The following GXYLT2 variants were observed in gnomAD, a reference collection of about 807,000 sequenced individuals.
The protein encoded by GXYLT2 is glucoside xylosyltransferase 2, also known as glycosyltransferase 8 domain containing 4.
GXYLT2 carries 53 observed loss-of-function variants against 45.8 expected under a neutral mutation model. The observed-to-expected ratio is 1.16, with a 90% confidence interval of 0.93 to 1.46. The LOEUF (loss-of-function observed/expected upper bound fraction) is 1.46. Among genes scored for constraint, GXYLT2 ranks in the 40% most tolerant of loss-of-function variants. The pLI, the probability that GXYLT2 is intolerant of heterozygous loss-of-function variation, is 0.00. For missense variants in GXYLT2, 551 were observed against 544.4 expected, an observed-to-expected ratio of 1.01 and a Z score of -0.12; for synonymous variants, 219 against 214.2, an observed-to-expected ratio of 1.02 and a Z score of -0.19.
intron 1 of GXYLT2, among the ~76,000 whole-genome samples, chr3:72,889,905 TTG>T (rs1709148535): frequency 7.3e-6 from 1 of 137,732 alleles, no homozygotes; most frequent in Non-Finnish European, 1.6e-5. Flanking sequence ...GGTTTTTTTT[TTG>T]TTTTTTTTTT....
At chr3:72,928,157 C>G (rs979333429) in intron 3 of GXYLT2, among the ~76,000 whole-genome samples, 2 of 152,200 alleles carry the variant, frequency 1.3e-5, no homozygotes, top group African/African-American at 4.8e-5. Flanking sequence ...TAGCAACTTC[C>G]AAAATGGTGA....
In GXYLT2 at chr3:72,908,680, T is replaced by A. The variant is rs1286702202; in HGVS notation, c.468+121T>A. The A allele has an allele frequency of 6.3e-6, 5 of 794,642 alleles. No individual in the cohort carries two copies. The African/African-American group carries it at 8.7e-5, about 14-fold the overall frequency. 49.2% of individuals were successfully genotyped at this position (794,642 alleles called of 1,614,324 possible). ...TGTTCAATTGTGTGACTTTGAACAC[T>A]TGACTCTGAGCCTCAGTTTTTGGTA... On this transcript the variant is annotated intron_variant, in intron 2 of 6. Transcript: ENST00000389617.
chr3:72,968,501 A>G (rs1710916083), intron 6 of GXYLT2, among the ~76,000 whole-genome samples: 3 of 152,254 alleles, frequency 2.0e-5, no homozygotes, highest in African/African-American at 7.2e-5. Context: ...TTAACTGCAG[A>G]AGTGCATGCA....
At chr3:72,888,556 T>C in intron 1 of GXYLT2, 48 bp downstream of exon 1, 1 of 1,138,674 alleles carries the variant, frequency 8.8e-7, no homozygotes, top group Non-Finnish European at 1.1e-6. Flanking sequence ...CGTGTCTCGC[T>C]CCCTACACCC....
At chr3:72,940,055 G>A (rs1710272385) in intron 3 of GXYLT2, among the ~76,000 whole-genome samples, 1 of 152,142 alleles carries the variant, frequency 6.6e-6, no homozygotes, top group African/African-American at 2.4e-5. Flanking sequence ...CTACCTGGGA[G>A]GCTGAGGCAG....
intron 2 of GXYLT2, among the ~76,000 whole-genome samples, chr3:72,918,042 T>C (rs1193777603): frequency 6.6e-6 from 1 of 152,182 alleles, no homozygotes; most frequent in Admixed American, 6.6e-5. Context: ...TTTTAGGCTT[T>C]GCAGGCTGTA....
chr3:72,921,613 A>T (rs1709834526), intron 2 of GXYLT2, among the ~76,000 whole-genome samples: 2 of 151,878 alleles, frequency 1.3e-5, no homozygotes, highest in Non-Finnish European at 2.9e-5. Context: ...GTTTTTTAGT[A>T]GAGATGGGGT....
intron 5 of GXYLT2, among the ~76,000 whole-genome samples, chr3:72,964,233 C>T (rs1336872054): frequency 1.3e-5 from 2 of 152,080 alleles, no homozygotes; most frequent in Non-Finnish European, 2.9e-5. Context: ...GAGTCTTTGC[C>T]CTTTCTGTTT....
rs1331050808 is a variant in GXYLT2 at position 72,975,724 on chromosome 3, T to C, written c.*565T>C. Reference sequence around the variant, plus strand: ...TTTTCTCTACTTTTGCATTTTCCACTCTAACACACATCTAAAACAGGTAAT... The same window carrying C: ...TTTTCTCTACTTTTGCATTTTCCACCCTAACACACATCTAAAACAGGTAAT... On this transcript the variant is annotated 3_prime_UTR_variant, in exon 7 of 7. Coordinates refer to ENST00000389617, the MANE Select transcript of GXYLT2 (RefSeq NM_001080393.2). 2.0e-5 allele frequency: 3 copies of C among 152,196 alleles called. No individual in the cohort carries two copies. Among genetic ancestry groups the C allele is most frequent in the Non-Finnish European group, 2.9e-5 (2 of 68,038 alleles). The allele number at this position is 152,196 out of a possible 1,614,324, so 9.4% of individuals were successfully genotyped here.
intron 2 of GXYLT2, among the ~76,000 whole-genome samples, chr3:72,917,840 G>GA (rs997834022): frequency 1.9e-4 from 28 of 151,142 alleles, no homozygotes; most frequent in African/African-American, 4.9e-4. Context: ...ATAATAAATG[G>GA]AAAAAAAACC....
At chr3:72,902,194 A>T (rs1312268314) in intron 1 of GXYLT2, among the ~76,000 whole-genome samples, 2 of 152,198 alleles carry the variant, frequency 1.3e-5, no homozygotes, top group Admixed American at 6.5e-5. Context: ...CTGTAGGTAT[A>T]TAACTAGAAA....
At chr3:72,974,283 T>C (rs964083002) in intron 6 of GXYLT2, among the ~76,000 whole-genome samples, 2 of 152,198 alleles carry the variant, frequency 1.3e-5, no homozygotes, top group Admixed American at 1.3e-4. Context: ...AGTGATGATC[T>C]CAAAAGCCCA....
Position 72,955,320 on chromosome 3 carries a change from T to A in GXYLT2, c.823T>A (p.Leu275Ile). 1 of 1,614,032 alleles carries A rather than the reference T, an allele frequency of 6.2e-7. No individual in the cohort carries two copies. Among genetic ancestry groups the A allele is most frequent in the Non-Finnish European group, 8.5e-7 (1 of 1,179,888 alleles). ...TAATTCAGGAGTCATGTTAATGAAT[T>A]TAACTCGGATAAGAAGTACCCAGTT... is the stretch of plus-strand genomic sequence containing the variant. ...GVNSGVMLMN[L>I]TRIRSTQFKN... Residue 275 changes from leucine (L) to isoleucine (I), a missense_variant, in exon 4 of 7, where the codon TTA (leucine) becomes ATA (isoleucine). Transcript: ENST00000389617.
chr3:72,964,403 A>G (rs1409577042), intron 5 of GXYLT2, among the ~76,000 whole-genome samples: 1 of 151,512 alleles, frequency 6.6e-6, no homozygotes, highest in Non-Finnish European at 1.5e-5. Flanking sequence ...GCTCACCACA[A>G]CCTCCACCTC....
intron 1 of GXYLT2, among the ~76,000 whole-genome samples, chr3:72,905,008 T>C (rs980427347): frequency 3.1e-5 from 4 of 131,034 alleles, no homozygotes; most frequent in Non-Finnish European, 4.6e-5. Flanking sequence ...GAGGTTGCAG[T>C]GAGCTGAAAT....
rs749739407 is a variant in GXYLT2 at position 72,902,369 on chromosome 3, A to C, written c.276-5998A>C. On this transcript the variant is annotated intron_variant, in intron 1 of 6. Coordinates refer to ENST00000389617, the MANE Select transcript of GXYLT2 (RefSeq NM_001080393.2). ...TTATTTTTAAAAGAAACTTTATATCAGAAAGCCAGAAATTGTCAGTGATAA... is the reference window on the plus strand; with the variant it reads ...TTATTTTTAAAAGAAACTTTATATCCGAAAGCCAGAAATTGTCAGTGATAA... Among the ~76,000 whole-genome samples, 7 of 151,328 alleles carry C rather than the reference A, an allele frequency of 4.6e-5. No homozygotes were observed. In the South Asian group the frequency reaches 1.3e-3, roughly 27 times the overall value.
At chr3:72,894,958 A>T (rs374977736) in intron 1 of GXYLT2, among the ~76,000 whole-genome samples, 1 of 152,158 alleles carries the variant, frequency 6.6e-6, no homozygotes, top group South Asian at 2.1e-4. Flanking sequence ...GGAAGCCCCC[A>T]GTAAAACGCC....
At chr3:72,946,041 C>T (rs1489760848) in intron 3 of GXYLT2, among the ~76,000 whole-genome samples, 1 of 151,870 alleles carries the variant, frequency 6.6e-6, no homozygotes, top group African/African-American at 2.4e-5. Context: ...CTTTTGGAGG[C>T]CAAGATGGGA....
chr3:72,947,994 C>A (rs781009248), intron 3 of GXYLT2, among the ~76,000 whole-genome samples: 1 of 152,066 alleles, frequency 6.6e-6, no homozygotes, highest in Admixed American at 6.6e-5. Context: ...TCCAGTTCCA[C>A]GAAGCAAAAA....
Sources: allele counts gnomAD v4.1 joint callset (sites outside exome capture counted in the v4.1 genomes callset), GRCh38; gene constraint gnomAD v4.1.1; transcripts MANE v1.5; gene names NCBI Gene and HGNC (gene_info 2026-07-23, HGNC 2026-07-21).